The following ADD3 variants were observed in gnomAD, a reference collection of about 807,000 sequenced individuals.
ADD3 encodes adducin 3, also known as gamma-adducin.
ADD3 carries 25 observed loss-of-function variants against 80.2 expected under a neutral mutation model. The ratio of observed to expected loss-of-function variants is 0.31; its 90% CI spans 0.23 to 0.44. ADD3 has a LOEUF of 0.44. Among genes scored for constraint, ADD3 ranks in the 20% least tolerant of loss-of-function variants. The pLI is 1.00. For synonymous variants in ADD3, 284 were observed against 289.6 expected (o/e 0.98, Z 0.20); for missense variants, 829 against 847.5 (o/e 0.98, Z 0.27).
chr10:110,049,572 A>G (rs926720465), intron 1 of ADD3, among the ~76,000 whole-genome samples: 1 of 152,128 alleles, frequency 6.6e-6, no homozygotes, highest in Admixed American at 6.5e-5. Flanking sequence ...GAGTCAAAGG[A>G]GATCATTTTG....
At chr10:110,028,759 T>G (rs1854618915) in intron 1 of ADD3, among the ~76,000 whole-genome samples, 1 of 152,210 alleles carries the variant, frequency 6.6e-6, no homozygotes, top group Admixed American at 6.5e-5. Flanking sequence ...TTTGCTAATT[T>G]TATTTCCATG....
intron 1 of ADD3, among the ~76,000 whole-genome samples, chr10:110,055,677 A>C (rs1858099849): frequency 1.3e-5 from 2 of 152,212 alleles, no homozygotes; most frequent in South Asian, 2.1e-4. Context: ...TAACTCAGCA[A>C]CTTAGTAACT....
chr10:110,123,656 G>C (rs533200918), intron 9 of ADD3, among the ~76,000 whole-genome samples: 1 of 152,128 alleles, frequency 6.6e-6, no homozygotes, highest in African/African-American at 2.4e-5. Context: ...GGCTCAGAAG[G>C]CTGACTGCCT....
chr10:110,046,355 A>G (rs1395607406), intron 1 of ADD3, among the ~76,000 whole-genome samples: 1 of 151,930 alleles, frequency 6.6e-6, no homozygotes, highest in East Asian at 1.9e-4. Flanking sequence ...TGTTTATGCT[A>G]TCAGTAAGGC....
In ADD3 at chr10:110,077,568, C is replaced by T. The variant is rs542668075; in HGVS notation, c.-29-23057C>T. ...AAAAAAAAGGCAGCTTCTAAAGAGC[C>T]TTTTATTTCTGTCATAATGATGCTT... On this transcript the variant is annotated intron_variant, in intron 1 of 14. Transcript: ENST00000356080. Among the ~76,000 whole-genome samples the T allele has an allele frequency of 2.9e-4, 44 of 152,152 alleles. No homozygotes were observed. In the South Asian group the frequency reaches 8.9e-3, roughly 31 times the overall value.
intron 1 of ADD3, among the ~76,000 whole-genome samples, chr10:110,098,301 A>G (rs1023188650): frequency 6.6e-6 from 1 of 152,200 alleles, no homozygotes; most frequent in Admixed American, 6.5e-5. Context: ...TAGAAATGTA[A>G]TGATTGGGAG....
chr10:110,123,968 GT>G, intron 9 of ADD3, 48 bp from the exon 10 acceptor site: 1 of 1,569,710 alleles, frequency 6.4e-7, no homozygotes, highest in Non-Finnish European at 8.7e-7. Context: ...TCCAAATGCT[GT>G]TATTGATACA....
intron 8 of ADD3, chr10:110,121,902 C>G: frequency 2.4e-6 from 1 of 419,860 alleles, no homozygotes. Context: ...CAGGGAGGAT[C>G]AGAGTCTTGG....
chr10:110,133,042 C>T (rs1853258511), intron 14 of ADD3, among the ~76,000 whole-genome samples: 1 of 151,334 alleles, frequency 6.6e-6, no homozygotes, highest in South Asian at 2.1e-4. Context: ...AATATGTTGT[C>T]TTCCTCATTT....
At chr10:110,052,719 A>G (rs183467103) in intron 1 of ADD3, among the ~76,000 whole-genome samples, 63 of 152,372 alleles carry the variant, frequency 4.1e-4, no homozygotes, top group Non-Finnish European at 8.7e-4. Flanking sequence ...GCTTATATCA[A>G]AAATGTAAAT....
chr10:110,019,678 G>A (rs1192400505), intron 1 of ADD3, among the ~76,000 whole-genome samples: 3 of 152,108 alleles, frequency 2.0e-5, no homozygotes, highest in African/African-American at 7.2e-5. Flanking sequence ...TAAAATATGT[G>A]AGCCATTGGG....
intron 1 of ADD3, among the ~76,000 whole-genome samples, chr10:110,081,790 G>A (rs1474174319): frequency 6.6e-6 from 1 of 152,188 alleles, no homozygotes; most frequent in Non-Finnish European, 1.5e-5. Flanking sequence ...CATCCTGATG[G>A]CTTCTTTGTC....
rs769560314 is a variant in ADD3 at position 110,130,337 on chromosome 10, A to G, written c.1609-26A>G. On this transcript the variant is annotated intron_variant, in intron 12 of 14. Coordinates refer to ENST00000356080, the MANE Select transcript of ADD3 (RefSeq NM_016824.5). ...ATATAAGTAAAACTCTTGGTAATGA[A>G]TCGATTTTTATTTTTTCTTTGTAAG... 2.5e-6 allele frequency: 4 copies of G among 1,610,882 alleles called. No homozygotes were observed. In the Admixed American group the frequency reaches 5.0e-5, roughly 20 times the overall value.
intron 1 of ADD3, chr10:110,076,967 T>G (rs1845442463): frequency 6.6e-6 from 1 of 152,230 alleles, no homozygotes; most frequent in South Asian, 2.1e-4. Flanking sequence ...CCTGGGTGTG[T>G]TGTTTCCCCC....
rs66979569 is a variant in ADD3 at position 110,040,964 on chromosome 10, GTCTC to G, written c.-30+32684_-30+32687del. On this transcript the variant is annotated intron_variant, in intron 1 of 14. Transcript: ENST00000356080. ...TCTCTCGCTCTCTCTGTCTCTCTCTGTCTCTCTCTCTCTCTCTCTCTCCGTGTGT... is the reference window on the plus strand; with the variant it reads ...TCTCTCGCTCTCTCTGTCTCTCTCTGTCTCTCTCTCTCTCTCTCCGTGTGT... Among the ~76,000 whole-genome samples, 957 of 149,494 alleles carry G rather than the reference GTCTC, an allele frequency of 6.4e-3. 8 individuals carry two copies. The highest frequency in any genetic ancestry group is 0.022 in the African/African-American group (863 of 39,826).
chr10:110,063,892 G>T (rs1242235053), intron 1 of ADD3, among the ~76,000 whole-genome samples: 2 of 150,144 alleles, frequency 1.3e-5, no homozygotes, highest in Admixed American at 1.3e-4. Context: ...CCATAATCCT[G>T]ACATAATTTA....
At chr10:110,114,545 C>T (rs924399725) in intron 3 of ADD3, among the ~76,000 whole-genome samples, 6 of 152,044 alleles carry the variant, frequency 3.9e-5, no homozygotes, top group African/African-American at 1.4e-4. Context: ...GAGTGGACAA[C>T]GAGGGACCTT....
intron 1 of ADD3, among the ~76,000 whole-genome samples, chr10:110,023,392 A>AAATGTTTGTTGCTATATTATAAGC (rs1853914870): frequency 6.6e-6 from 1 of 152,218 alleles, no homozygotes. Flanking sequence ...TGAGAGAAAT[A>AAATGTTTGTTGCTATATTATAAGC]AATGTTTGTT....
intron 1 of ADD3, among the ~76,000 whole-genome samples, chr10:110,055,284 G>C (rs911910840): frequency 3.9e-5 from 6 of 152,124 alleles, no homozygotes; most frequent in African/African-American, 1.4e-4. Flanking sequence ...TAGTGGTAAA[G>C]CAGTCTGTTT....
Sources: allele counts gnomAD v4.1 joint callset (sites outside exome capture counted in the v4.1 genomes callset), GRCh38; gene constraint gnomAD v4.1.1; transcripts MANE v1.5; gene names NCBI Gene and HGNC (gene_info 2026-07-23, HGNC 2026-07-21).